GABRG3: variants seen among roughly 807,000 people sequenced by gnomAD.
GABRG3 encodes the protein gamma-aminobutyric acid receptor subunit gamma-3.
GABRG3 carries 25 observed loss-of-function variants against 48.8 expected under a neutral mutation model. The ratio of observed to expected loss-of-function variants is 0.51; its 90% CI spans 0.37 to 0.72. The LOEUF is 0.72. Among genes scored for constraint, GABRG3 ranks in the 30% least tolerant of loss-of-function variants. The pLI, the probability that GABRG3 is intolerant of heterozygous loss-of-function variation, is 0.00. For synonymous variants in GABRG3, 227 were observed against 217.6 expected (o/e 1.04, Z -0.38); for missense variants, 394 against 577.9 (o/e 0.68, Z 3.26).
chr15:27,532,030 A>G (rs531735128), intron 9 of GABRG3, among the ~76,000 whole-genome samples: 1 of 152,272 alleles, frequency 6.6e-6, no homozygotes, highest in East Asian at 1.9e-4. Flanking sequence ...TCATTCCTGC[A>G]AGTCATAGCT....
intron 5 of GABRG3, among the ~76,000 whole-genome samples, chr15:27,331,135 C>T (rs991014104): frequency 1.3e-5 from 2 of 152,112 alleles, no homozygotes; most frequent in Admixed American, 1.3e-4. Flanking sequence ...TCTCACTCAT[C>T]GCTGGGGGGA....
chr15:27,535,394 C>G lies in GABRG3; in HGVS notation c.*2513C>G, dbSNP rs1464034111. ...CTCAACATTTGGATATTGTTAGCAA[C>G]CCTCCTGAAATTTTACATGTAGGAT... On this transcript the variant is annotated 3_prime_UTR_variant, in exon 10 of 10. Coordinates refer to ENST00000615808, the MANE Select transcript of GABRG3 (RefSeq NM_033223.5). 1 of 152,198 alleles carries G rather than the reference C, an allele frequency of 6.6e-6. No individual in the cohort carries two copies. The highest frequency in any genetic ancestry group is 2.4e-5 in the African/African-American group (1 of 41,452). The allele number at this position is 152,198 out of a possible 1,614,324, so 9.4% of individuals were successfully genotyped here.
chr15:27,432,588 GT>G (rs1206779791), intron 5 of GABRG3, among the ~76,000 whole-genome samples: 1 of 152,092 alleles, frequency 6.6e-6, no homozygotes, highest in African/African-American at 2.4e-5. Flanking sequence ...TGTTTAGAAG[GT>G]ACAAAGGATA....
At chr15:27,506,220 C>A (rs962531907) in intron 6 of GABRG3, among the ~76,000 whole-genome samples, 1 of 152,154 alleles carries the variant, frequency 6.6e-6, no homozygotes, top group African/African-American at 2.4e-5. Flanking sequence ...TAATCTTTCA[C>A]ACTGTGAACT....
chr15:27,314,403 C>T (rs1893140479), intron 3 of GABRG3, among the ~76,000 whole-genome samples: 1 of 152,118 alleles, frequency 6.6e-6, no homozygotes, highest in African/African-American at 2.4e-5. Context: ...ATCAAAAATT[C>T]AGAAGTCAGC....
At chr15:27,111,040 T>C (rs549133533) in intron 3 of GABRG3, among the ~76,000 whole-genome samples, 1 of 152,342 alleles carries the variant, frequency 6.6e-6, no homozygotes, top group African/African-American at 2.4e-5. Context: ...TATATTAATA[T>C]ATGACATTGC....
chr15:27,063,011 G>A (rs1337642835), intron 3 of GABRG3, among the ~76,000 whole-genome samples: 1 of 152,164 alleles, frequency 6.6e-6, no homozygotes, highest in Non-Finnish European at 1.5e-5. Context: ...GTCGTGAGAC[G>A]GCATTTTGCA....
At chr15:27,306,664 GT>G (rs1342952801) in intron 3 of GABRG3, among the ~76,000 whole-genome samples, 1 of 60,968 alleles carries the variant, frequency 1.6e-5, no homozygotes, top group Non-Finnish European at 3.8e-5. Context: ...ATATGAACAT[GT>G]TTATATATAA....
chr15:27,490,247 G>A (rs1486776124), intron 6 of GABRG3, among the ~76,000 whole-genome samples: 1 of 152,188 alleles, frequency 6.6e-6, no homozygotes, highest in Non-Finnish European at 1.5e-5. Context: ...CAGGCATGTA[G>A]CTTACCACAA....
rs1471729344 is a variant in GABRG3, at chr15:26,976,496, C to T, written c.54-506C>T. On this transcript the variant is annotated intron_variant, in intron 1 of 9. Transcript: ENST00000615808. This position sits in a 1 kb window ranked among gnomAD's most constrained non-coding sequence, Gnocchi z 7.8. ...TCAAGTGCCTAGACCCCCAGATTCCCGCCTCCAAGAGAAGCACTGAGTCAG... is the reference window on the plus strand; with the variant it reads ...TCAAGTGCCTAGACCCCCAGATTCCTGCCTCCAAGAGAAGCACTGAGTCAG... Among the ~76,000 whole-genome samples, 5 of 152,228 alleles carry T rather than the reference C, an allele frequency of 3.3e-5. No homozygotes were observed. The highest frequency in any genetic ancestry group is 4.8e-5 in the African/African-American group (2 of 41,536).
chr15:27,503,385 T>G (rs1439448826), intron 6 of GABRG3, among the ~76,000 whole-genome samples: 1 of 152,162 alleles, frequency 6.6e-6, no homozygotes, highest in Admixed American at 6.5e-5. Context: ...ATTGAGACCT[T>G]TTATACCACA....
chr15:27,479,894 C>T (rs894900563), intron 5 of GABRG3, among the ~76,000 whole-genome samples: 2 of 152,182 alleles, frequency 1.3e-5, no homozygotes, highest in African/African-American at 4.8e-5. Flanking sequence ...TTGTTCCAAG[C>T]ATGGTTCAGA....
chr15:27,307,401 TTATATATTTATATATAAACA>T (rs1892636866), intron 3 of GABRG3, among the ~76,000 whole-genome samples: 1 of 102,948 alleles, frequency 9.7e-6, no homozygotes, highest in African/African-American at 3.3e-5. Flanking sequence ...CCATATAGGT[TTATATATTTATATATAAACA>T]TATAGGTTTA....
chr15:27,520,335 G>A lies in GABRG3; in HGVS notation c.865+211G>A, dbSNP rs145817793. ...TGTATGCCACTTAAATCAAGACGGC[G>A]TAGGAGATTCACAGTAAATCCATTG... On this transcript the variant is annotated intron_variant, in intron 7 of 9. Coordinates refer to ENST00000615808, the MANE Select transcript of GABRG3 (RefSeq NM_033223.5). Among the ~76,000 whole-genome samples the A allele has an allele frequency of 2.2e-3, 333 of 152,082 alleles. 9 individuals carry two copies. In the East Asian group the frequency reaches 0.036, roughly 17 times the overall value.
chr15:27,170,727 A>G (rs921732128), intron 3 of GABRG3, among the ~76,000 whole-genome samples: 1 of 152,232 alleles, frequency 6.6e-6, no homozygotes, highest in Non-Finnish European at 1.5e-5. Flanking sequence ...GGTGTGTTCC[A>G]TGGACCATGT....
intron 7 of GABRG3, among the ~76,000 whole-genome samples, chr15:27,521,656 ATC>A (rs1427610596): frequency 6.6e-6 from 1 of 152,106 alleles, no homozygotes; most frequent in Non-Finnish European, 1.5e-5. Context: ...TAGATGGGTT[ATC>A]TCATCACAGA....
At chr15:27,357,537 A>G (rs142252462) in intron 5 of GABRG3, among the ~76,000 whole-genome samples, 65 of 152,384 alleles carry the variant, frequency 4.3e-4, no homozygotes, top group African/African-American at 1.5e-3. Flanking sequence ...TATAATAAAA[A>G]GCCTACATAA....
intron 3 of GABRG3, among the ~76,000 whole-genome samples, chr15:27,069,460 C>G (rs960538440): frequency 6.6e-6 from 1 of 152,268 alleles, no homozygotes; most frequent in East Asian, 1.9e-4. Flanking sequence ...ACGGTTCTAC[C>G]GTGTATCAGG....
chr15:27,081,022 G>T (rs533420759), intron 3 of GABRG3, among the ~76,000 whole-genome samples: 9 of 152,170 alleles, frequency 5.9e-5, no homozygotes, highest in Non-Finnish European at 1.2e-4. Context: ...TAGGTGAAAT[G>T]GTCCCTAACG....
Sources: gnomAD v4.1 joint callset for allele counts (sites outside exome capture counted in the v4.1 genomes callset) on GRCh38, gnomAD v4.1.1 for gene constraint, Gnocchi (gnomAD v3.1) non-coding constraint, MANE v1.5 for transcripts, NCBI Gene and HGNC (gene_info 2026-07-23, HGNC 2026-07-21) for gene names.